AOPEP: variants seen among roughly 807,000 people sequenced by gnomAD.
The protein encoded by AOPEP is aminopeptidase O (putative).
Under a neutral mutation model 98.1 loss-of-function variants are expected in AOPEP, and 77 were observed. That is an observed-to-expected ratio of 0.78 (90% CI 0.65 to 0.95). The LOEUF is 0.95. Ranked by LOEUF, AOPEP falls within the 40% of genes least tolerant of loss-of-function variation. The pLI, the probability that AOPEP is intolerant of heterozygous loss-of-function variation, is 0.00. For synonymous variants in AOPEP, 346 were observed against 365.3 expected (o/e 0.95, Z 0.60); for missense variants, 1,024 against 1,024.7 (o/e 1.00, Z 0.01).
At position 94,875,960 on chromosome 9, in the gene AOPEP, C is replaced by T. The variant is rs1204499313; in HGVS notation, c.1365-48026C>T. On this transcript the variant is annotated intron_variant, in intron 5 of 16. Coordinates refer to ENST00000375315, the MANE Select transcript of AOPEP (RefSeq NM_001193329.3). ...ACAAAACATTTAAGACGTGAGAAGA[C>T]ACAAGGCACCAGAGTTACTATTATG... 2.0e-5 allele frequency among the ~76,000 whole-genome samples: 3 copies of T among 152,324 alleles called. No individual in the cohort carries two copies. The East Asian group carries it at 5.8e-4, about 29-fold the overall frequency.
At chr9:94,998,203 A>T (rs2061355468) in intron 11 of AOPEP, among the ~76,000 whole-genome samples, 1 of 151,414 alleles carries the variant, frequency 6.6e-6, no homozygotes, top group South Asian at 2.1e-4. Flanking sequence ...TGTTAAAGTG[A>T]GACAGTCACA....
chr9:95,149,440 A>C, the AOPEP span, among the ~76,000 whole-genome samples: 1 of 152,126 alleles, frequency 6.6e-6, no homozygotes, highest in African/African-American at 2.4e-5. Flanking sequence ...CCTAAAATAA[A>C]AGTTAAAAAT....
intron 5 of AOPEP, among the ~76,000 whole-genome samples, chr9:94,888,842 T>C (rs183831399): frequency 6.6e-6 from 1 of 152,358 alleles, no homozygotes; most frequent in East Asian, 1.9e-4. Flanking sequence ...ACAACAGTTA[T>C]ACATGCATTA....
intron 14 of AOPEP, among the ~76,000 whole-genome samples, chr9:95,076,697 C>T (rs2069109193): frequency 6.6e-6 from 1 of 152,180 alleles, no homozygotes; most frequent in Non-Finnish European, 1.5e-5. Flanking sequence ...CACACTGGCC[C>T]AGTGGCCACC....
chr9:94,771,787 C>G (rs1190268604), intron 2 of AOPEP, among the ~76,000 whole-genome samples: 1 of 152,198 alleles, frequency 6.6e-6, no homozygotes, highest in Non-Finnish European at 1.5e-5. Flanking sequence ...ACTCCTGCCT[C>G]ATAACCCAGT....
At chr9:95,096,062 G>A in the AOPEP span, among the ~76,000 whole-genome samples, 3 of 152,158 alleles carry the variant, frequency 2.0e-5, no homozygotes, top group Non-Finnish European at 2.9e-5. Context: ...CCGAAGCAGG[G>A]GAACTGCTAG....
At chr9:94,750,478 G>A (rs1038467563) in intron 1 of AOPEP, among the ~76,000 whole-genome samples, 1 of 151,900 alleles carries the variant, frequency 6.6e-6, no homozygotes, top group Non-Finnish European at 1.5e-5. Context: ...CCAGCTACTC[G>A]GGAGGCTGAG....
the AOPEP span, among the ~76,000 whole-genome samples, chr9:95,096,673 G>A: frequency 1.6e-4 from 25 of 152,196 alleles, no homozygotes; most frequent in African/African-American, 6.0e-4. Flanking sequence ...AGGAGCATGT[G>A]AGCTGGGAGG....
rs1294981943 is a variant in AOPEP at position 94,895,228 on chromosome 9, ATAAAATAAAAT to A, written c.1365-28757_1365-28747del. 1.6e-3 allele frequency among the ~76,000 whole-genome samples: 36 copies of A among 22,876 alleles called. 1 individual carries two copies. Among genetic ancestry groups the A allele is most frequent in the South Asian group, 3.9e-3 (2 of 516 alleles). 15.0% of individuals were successfully genotyped at this position (22,876 alleles called of 152,430 possible). A position where few individuals can be genotyped will look rare whatever the true frequency, so the allele number is the denominator to read the frequency against. ...GAAACCTCATCTCTACTAAAAAAAA[ATAAAATAAAAT>A]AAAAAAAAAAAATAGCTGGGCATGG... is the stretch of plus-strand genomic sequence containing the variant. On this transcript the variant is annotated intron_variant, in intron 5 of 16. Transcript: ENST00000375315.
intron 5 of AOPEP, among the ~76,000 whole-genome samples, chr9:94,855,944 A>G (rs2044153911): frequency 6.6e-6 from 1 of 152,222 alleles, no homozygotes. Context: ...AGATGTCACC[A>G]TTGAGGAAAC....
At chr9:95,046,216 A>G (rs1018502026) in intron 13 of AOPEP, among the ~76,000 whole-genome samples, 1 of 152,226 alleles carries the variant, frequency 6.6e-6, no homozygotes, top group African/African-American at 2.4e-5. Flanking sequence ...AATACTCTCA[A>G]GACCTTTTGT....
At chr9:94,909,632 G>A (rs16911820) in intron 5 of AOPEP, among the ~76,000 whole-genome samples, 4,959 of 152,186 alleles carry the variant, frequency 0.033, 209 homozygotes, top group African/African-American at 0.096. Flanking sequence ...CTGCTGTGAC[G>A]TGTGTGACGT....
At chr9:94,814,314 A>G (rs1270153612) in intron 5 of AOPEP, among the ~76,000 whole-genome samples, 1 of 152,232 alleles carries the variant, frequency 6.6e-6, no homozygotes, top group Non-Finnish European at 1.5e-5. Flanking sequence ...CCCACCTTTT[A>G]GACAGCCTCC....
At chr9:94,974,856 G>C (rs1476669842) in intron 10 of AOPEP, among the ~76,000 whole-genome samples, 1 of 152,226 alleles carries the variant, frequency 6.6e-6, no homozygotes, top group East Asian at 1.9e-4. Context: ...TCAAATCCCA[G>C]CTCTTCAAGT....
chr9:94,974,542 C>T (rs1455668620), intron 10 of AOPEP, among the ~76,000 whole-genome samples: 2 of 152,338 alleles, frequency 1.3e-5, no homozygotes, highest in East Asian at 3.9e-4. Context: ...CTGGATGCAG[C>T]TCACTGACGA....
At chr9:94,753,898 TA>T (rs1311525326) in intron 1 of AOPEP, among the ~76,000 whole-genome samples, 1 of 152,248 alleles carries the variant, frequency 6.6e-6, no homozygotes, top group African/African-American at 2.4e-5. Flanking sequence ...CACATCTTTT[TA>T]CTTGCATGTG....
At chr9:95,092,969 G>C in the AOPEP span, among the ~76,000 whole-genome samples, 1 of 152,206 alleles carries the variant, frequency 6.6e-6, no homozygotes, top group African/African-American at 2.4e-5. Context: ...GTTATGTTTA[G>C]GGAGGGAGGC....
chr9:94,877,709 C>T (rs975375351), intron 5 of AOPEP, among the ~76,000 whole-genome samples: 1 of 152,210 alleles, frequency 6.6e-6, no homozygotes, highest in African/African-American at 2.4e-5. Flanking sequence ...GCATGAGCCA[C>T]TGTTCCCAAC....
At chr9:94,866,401 A>G (rs541101034) in intron 5 of AOPEP, among the ~76,000 whole-genome samples, 1 of 152,356 alleles carries the variant, frequency 6.6e-6, no homozygotes, top group Non-Finnish European at 1.5e-5. Context: ...AAGGAAATAC[A>G]GGACTCCTCT....
Sources: allele counts gnomAD v4.1 joint callset (sites outside exome capture counted in the v4.1 genomes callset), GRCh38; gene constraint gnomAD v4.1.1; transcripts MANE v1.5; gene names NCBI Gene and HGNC (gene_info 2026-07-23, HGNC 2026-07-21).